IL11RA: variants seen among roughly 807,000 people sequenced by gnomAD.
The protein encoded by IL11RA is interleukin 11 receptor subunit alpha.
A neutral mutation model predicts 57.0 loss-of-function variants in IL11RA; 51 were observed. The observed-to-expected ratio is 0.89, with a 90% CI of 0.71 to 1.13. The LOEUF is 1.13. Among genes scored for constraint, IL11RA ranks in the 50% most tolerant of loss-of-function variants. The pLI is 0.00. For missense variants in IL11RA, 498 were observed against 539.4 expected, an observed-to-expected ratio of 0.92 and a Z score of 0.76; for synonymous variants, 199 against 217.5, an observed-to-expected ratio of 0.91 and a Z score of 0.75.
chr9:34,655,283 C>G lies in IL11RA; in HGVS notation c.66C>G (p.Ala22=), dbSNP rs1455509164. ...CCGTGGCTACAGCCCTGGTGTCTGC[C>G]TCCTCCCCCTGCCCCCAGGCCTGGG... is the stretch of plus-strand genomic sequence containing the variant. The part of the protein sequence containing the change: ...LVAVATALVS[A]SSPCPQAWGP... The change falls in exon 2 of 13, where the codon GCC becomes GCG. Residue 22 remains alanine (A), a synonymous_variant. Transcript: ENST00000441545. The G allele has an allele frequency of 6.2e-7, 1 of 1,611,038 alleles. No individual in the cohort carries two copies. Among genetic ancestry groups the G allele is most frequent in the African/African-American group, 1.3e-5 (1 of 74,742 alleles).
Position 34,659,897 on chromosome 9 carries a change from A to C in IL11RA, c.949A>C (p.Thr317Pro), listed in dbSNP as rs1432137662. The C allele has an allele frequency of 1.2e-6, 2 of 1,614,138 alleles. No individual in the cohort carries two copies. Among genetic ancestry groups the C allele is most frequent in the Non-Finnish European group, 1.7e-6 (2 of 1,179,986 alleles). Residue 317 changes from threonine (T) to proline (P), a missense_variant, in exon 9 of 13, where the codon ACT becomes CCT. Transcript: ENST00000441545. Reference sequence around the variant, plus strand: ...CCCGGAGGCCTGGGGAACTCCGAGCACTGGTGAGAGACAAAGCCAAAGAAA... The same window carrying C: ...CCCGGAGGCCTGGGGAACTCCGAGCCCTGGTGAGAGACAAAGCCAAAGAAA... Reference protein sequence around the residue: ...WSPEAWGTPSTGTIPKEIPAW... With the variant: ...WSPEAWGTPSPGTIPKEIPAW...
rs768953861 is a variant in IL11RA at position 34,655,292 on chromosome 9, C to A, written c.75C>A (p.Pro25=). The A allele has an allele frequency of 1.2e-6, 2 of 1,609,604 alleles. No homozygotes were observed. Among genetic ancestry groups the A allele is most frequent in the Non-Finnish European group, 1.7e-6 (2 of 1,177,390 alleles). Residue 25 remains proline, a synonymous_variant, in exon 2 of 13, where the codon CCC becomes CCA. Transcript: ENST00000441545. ...CAGCCCTGGTGTCTGCCTCCTCCCC[C>A]TGCCCCCAGGCCTGGGGCCCCCCAG... ...VATALVSASS[P]CPQAWGPPGV... is the part of the protein sequence containing the mutation.
Position 34,658,565 on chromosome 9 carries a change from G to A in IL11RA, c.692G>A (p.Gly231Asp), listed in dbSNP as rs74968235. ...PQGLRVESVP[G>D]YPRRLRASWT... ...GGCCTGCGGGTAGAGTCAGTACCAG[G>A]TTACCCCCGACGCCTGCGAGCCAGC... The change falls in exon 8 of 13, where the codon GGT (glycine) becomes GAT (aspartate). Residue 231 changes from glycine to aspartate, a missense_variant. Transcript: ENST00000441545. The surrounding 1 kb of genome is among the most constrained non-coding windows in gnomAD (Gnocchi z 4.0). The A allele has an allele frequency of 5.1e-4, 831 of 1,614,112 alleles. 8 individuals are homozygous for A. In the East Asian group the frequency reaches 0.017, roughly 32 times the overall value.
rs373290583 is a variant in IL11RA at position 34,660,374 on chromosome 9, A to T, written c.1053A>T (p.Gln351His). The T allele has an allele frequency of 6.2e-6, 10 of 1,614,034 alleles. No homozygotes were observed. In the South Asian group the frequency reaches 1.1e-4, roughly 18 times the overall value. The change falls in exon 10 of 13, where the codon CAA becomes CAT. Residue 351 changes from glutamine to histidine, a missense_variant. Gln to His is a conservative substitution (Grantham distance 24). Transcript: ENST00000441545. Reference sequence around the variant, plus strand: ...CTGCTCCTCCAAGGCCCTCCCTCCAACCACACCCTCGGCTACTTGGTGAGC... The same window carrying T: ...CTGCTCCTCCAAGGCCCTCCCTCCATCCACACCCTCGGCTACTTGGTGAGC... ...DSPAPPRPSL[Q>H]PHPRLLDHRD...
chr9:34,655,309 G>GC lies in IL11RA; in HGVS notation c.98dup (p.Gly34ArgfsTer39). 1.3e-6 allele frequency: 2 copies of GC among 1,595,886 alleles called. No individual in the cohort carries two copies. The highest frequency in any genetic ancestry group is 8.6e-7 in the Non-Finnish European group (1 of 1,165,606). ...TCCTCCCCCTGCCCCCAGGCCTGGG[G>GC]CCCCCCAGGTGAGAAGAACCCTGCT... On this transcript the variant is annotated frameshift_variant, in exon 2 of 13. Transcript: ENST00000441545. LOFTEE classifies it high-confidence loss of function.
rs1821459279 is a variant in IL11RA, at chr9:34,661,635, T to A, written c.*137T>A. 1.8e-5 allele frequency: 18 copies of A among 983,670 alleles called. No individual in the cohort carries two copies. Among genetic ancestry groups the A allele is most frequent in the Non-Finnish European group, 2.7e-5 (17 of 619,670 alleles). 60.9% of individuals were successfully genotyped at this position (983,670 alleles called of 1,614,324 possible). A position where few individuals can be genotyped will look rare whatever the true frequency, so the allele number is the denominator to read the frequency against. On this transcript the variant is annotated 3_prime_UTR_variant, in exon 13 of 13. Transcript: ENST00000441545. ...TTTGGAGCCCATTTCTGTGAGACCC[T>A]GTATTTCAAATTTGCAGCTGAAAGG...
intron 1 of IL11RA, among the ~76,000 whole-genome samples, chr9:34,652,851 C>T (rs927911703): frequency 5.3e-5 from 8 of 152,190 alleles, no homozygotes; most frequent in Non-Finnish European, 1.2e-4. Flanking sequence ...CAAGAATCCC[C>T]AGCATCAGGT....
chr9:34,660,787 T>C, intron 11 of IL11RA, 67 bp from the exon 12 acceptor site: 1 of 1,433,478 alleles, frequency 7.0e-7, no homozygotes, highest in Non-Finnish European at 9.8e-7. Flanking sequence ...CCTTTACTAA[T>C]AAACCCTTTG....
At chr9:34,652,479 G>A (rs1821272427) in intron 1 of IL11RA, among the ~76,000 whole-genome samples, 1 of 152,162 alleles carries the variant, frequency 6.6e-6, no homozygotes, top group African/African-American at 2.4e-5. Context: ...GGGATTATGT[G>A]TGTATCTGTC....
chr9:34,658,023 G>A lies in IL11RA; in HGVS notation c.646+436G>A, dbSNP rs574605606. Reference sequence around the variant, plus strand: ...AAAGTCCACCCGCAGATCTCAGGTGGTTTCTTTTTTTCTTTCTCTTCCTTT... The same window carrying A: ...AAAGTCCACCCGCAGATCTCAGGTGATTTCTTTTTTTCTTTCTCTTCCTTT... On this transcript the variant is annotated intron_variant, in intron 7 of 12. Coordinates refer to ENST00000441545, the MANE Select transcript of IL11RA (RefSeq NM_001142784.3). The surrounding 1 kb of genome is among the most constrained non-coding windows in gnomAD (Gnocchi z 4.0). Among the ~76,000 whole-genome samples, 2 of 152,274 alleles carry A rather than the reference G, an allele frequency of 1.3e-5. No individual in the cohort carries two copies. Among genetic ancestry groups the A allele is most frequent in the East Asian group, 3.9e-4 (2 of 5,180 alleles).
intron 11 of IL11RA, 119 bp downstream of exon 11, chr9:34,660,719 C>A: frequency 1.7e-6 from 2 of 1,148,894 alleles, no homozygotes; most frequent in Non-Finnish European, 2.6e-6. Context: ...TCTGGAACTA[C>A]CTCCCCATAC....
Position 34,660,896 on chromosome 9 carries a change from T to A in IL11RA, c.1212T>A (p.Pro404=). 6.2e-7 allele frequency: 1 copy of A among 1,614,188 alleles called. No individual in the cohort carries two copies. Among genetic ancestry groups the A allele is most frequent in the Non-Finnish European group, 8.5e-7 (1 of 1,180,018 alleles). ...RRGGKDGSPK[P]GFLASVIPVD... is the part of the protein sequence containing the mutation. ...GTGGGAAGGATGGATCCCCAAAGCC[T>A]GGGTTCTTGGCCTCAGTGATTCCAG... Residue 404 remains proline, a synonymous_variant, in exon 12 of 13, where the codon CCT becomes CCA. Coordinates refer to ENST00000441545, the MANE Select transcript of IL11RA (RefSeq NM_001142784.3).
rs572419992 is a variant in IL11RA at position 34,658,307 on chromosome 9, GC to G, written c.647-212del. On this transcript the variant is annotated intron_variant, in intron 7 of 12. Coordinates refer to ENST00000441545, the MANE Select transcript of IL11RA (RefSeq NM_001142784.3). The surrounding 1 kb of genome is among the most constrained non-coding windows in gnomAD (Gnocchi z 4.0). ...TCCTCCCGCCTCAGTCTTCCAGAGT[GC>G]TGAGATTACAGGCATGAGCCACCAC... 3.3e-5 allele frequency among the ~76,000 whole-genome samples: 5 copies of G among 152,312 alleles called. No homozygotes were observed. The East Asian group carries it at 9.6e-4, about 29-fold the overall frequency.
intron 4 of IL11RA, 52 bp downstream of exon 4, chr9:34,656,960 G>A (rs1163738121): frequency 6.2e-7 from 1 of 1,611,682 alleles, no homozygotes; most frequent in African/African-American, 1.3e-5. Flanking sequence ...GAGGGAGTAT[G>A]GGACCTAAGT....
At chr9:34,661,112 C>A (rs1178432813) in intron 12 of IL11RA, among the ~76,000 whole-genome samples, 176 bp downstream of exon 12, 1 of 151,474 alleles carries the variant, frequency 6.6e-6, no homozygotes, top group African/African-American at 2.4e-5. Context: ...AGTCCCTGGG[C>A]TCAGAAGTGG....
chr9:34,661,579 C>T lies in IL11RA; in HGVS notation c.*81C>T. On this transcript the variant is annotated 3_prime_UTR_variant, in exon 13 of 13. Coordinates refer to ENST00000441545, the MANE Select transcript of IL11RA (RefSeq NM_001142784.3). ...ATAGAAACCAGGCAGGACAGTAGAT[C>T]CCTATGGTTGGATCTCAGCTGGAAG... 7.2e-7 allele frequency: 1 copy of T among 1,394,174 alleles called. No individual in the cohort carries two copies. The highest frequency in any genetic ancestry group is 1.7e-5 in the Admixed American group (1 of 59,528). The allele number at this position is 1,394,174 out of a possible 1,614,324, so 86.4% of individuals were successfully genotyped here. A position where few individuals can be genotyped will look rare whatever the true frequency, so the allele number is the denominator to read the frequency against.
intron 1 of IL11RA, 195 bp from the exon 2 acceptor site, chr9:34,655,023 G>A (rs573273747): frequency 9.8e-5 from 59 of 600,980 alleles, no homozygotes; most frequent in African/African-American, 4.3e-4. Context: ...GTGTGCGCGC[G>A]CACGCACATG....
chr9:34,655,346 C>A, intron 2 of IL11RA, 29 bp downstream of exon 2: 2 of 1,335,542 alleles, frequency 1.5e-6, no homozygotes, highest in Non-Finnish European at 2.1e-6. Context: ...TACAACCTCC[C>A]AACTCTGACT....
In IL11RA at chr9:34,655,266, A is replaced by C; in HGVS notation, c.49A>C (p.Thr17Pro). The part of the protein sequence containing the change: ...GLSRVLVAVA[T>P]ALVSASSPCP... ...GAGCAGGGTCCTGGTGGCCGTGGCT[A>C]CAGCCCTGGTGTCTGCCTCCTCCCC... The change falls in exon 2 of 13, where the codon ACA becomes CCA. Residue 17 changes from threonine (T) to proline (P), a missense_variant. Transcript: ENST00000441545. 6.2e-7 allele frequency: 1 copy of C among 1,611,966 alleles called. No individual in the cohort carries two copies. Among genetic ancestry groups the C allele is most frequent in the Non-Finnish European group, 8.5e-7 (1 of 1,179,300 alleles).
Sources: gnomAD v4.1 joint callset for allele counts (sites outside exome capture counted in the v4.1 genomes callset) on GRCh38, gnomAD v4.1.1 for gene constraint, Gnocchi (gnomAD v3.1) non-coding constraint, MANE v1.5 for transcripts, NCBI Gene and HGNC (gene_info 2026-07-23, HGNC 2026-07-21) for gene names.